CACNA2D3: variants seen among roughly 807,000 people sequenced by gnomAD.
CACNA2D3 encodes voltage-dependent calcium channel subunit alpha-2/delta-3.
CACNA2D3 carries 60 observed loss-of-function variants against 160.6 expected under a neutral mutation model. The observed-to-expected ratio is 0.37, with a 90% CI of 0.30 to 0.46. The LOEUF is 0.46. Among genes scored for constraint, CACNA2D3 ranks in the 20% least tolerant of loss-of-function variants. CACNA2D3 has a pLI of 1.00. For synonymous variants in CACNA2D3, 558 were observed against 492.9 expected (o/e 1.13, Z -1.75); for missense variants, 1,205 against 1,365.0 (o/e 0.88, Z 1.85).
At chr3:54,846,761 A>G (rs1013642345) in intron 17 of CACNA2D3, among the ~76,000 whole-genome samples, 1 of 152,236 alleles carries the variant, frequency 6.6e-6, no homozygotes, top group South Asian at 2.1e-4. Context: ...TTAACTCTAG[A>G]CAGCATGAAA....
chr3:54,239,837 T>C (rs114437942), intron 2 of CACNA2D3, among the ~76,000 whole-genome samples: 1 of 152,360 alleles, frequency 6.6e-6, no homozygotes, highest in African/African-American at 2.4e-5. Flanking sequence ...AAAATAGTTA[T>C]AGTTAAAATA....
Position 54,766,893 on chromosome 3 carries a change from A to G in CACNA2D3, c.1380+2542A>G, listed in dbSNP as rs550750422. ...TAGCATACTACCTTTTATATAGGAA[A>G]TGAGGAAAAAAGAAGATAGATATGT... On this transcript the variant is annotated intron_variant, in intron 13 of 37. Transcript: ENST00000474759. Among the ~76,000 whole-genome samples, 12 of 151,662 alleles carry G rather than the reference A, an allele frequency of 7.9e-5. 1 individual carries two copies. In the South Asian group the frequency reaches 2.5e-3, roughly 32 times the overall value.
chr3:54,656,724 C>T (rs1699880255), intron 11 of CACNA2D3, among the ~76,000 whole-genome samples: 1 of 152,224 alleles, frequency 6.6e-6, no homozygotes, highest in African/African-American at 2.4e-5. Flanking sequence ...CATGACTTCC[C>T]AATTCTCAGA....
At chr3:54,741,456 C>T (rs978602752) in intron 11 of CACNA2D3, among the ~76,000 whole-genome samples, 1 of 152,088 alleles carries the variant, frequency 6.6e-6, no homozygotes, top group Non-Finnish European at 1.5e-5. Flanking sequence ...GTGAGACTTA[C>T]AAAGATCAAG....
chr3:54,363,143 C>T (rs1018136457), intron 3 of CACNA2D3, among the ~76,000 whole-genome samples: 8 of 151,956 alleles, frequency 5.3e-5, no homozygotes, highest in Admixed American at 3.9e-4. Context: ...TGCAGTGAGC[C>T]GAGATTGCGC....
intron 26 of CACNA2D3, chr3:54,897,106 G>C: frequency 2.0e-6 from 1 of 498,884 alleles, no homozygotes. Flanking sequence ...AGGAAGCAGG[G>C]CTGATGTTTT....
At chr3:55,034,218 A>G (rs1282461895) in intron 35 of CACNA2D3, among the ~76,000 whole-genome samples, 1 of 151,972 alleles carries the variant, frequency 6.6e-6, no homozygotes, top group Non-Finnish European at 1.5e-5. Context: ...ACGGTGTGTT[A>G]TGAAATGTTC....
chr3:54,802,506 C>A (rs1703015059), intron 13 of CACNA2D3, among the ~76,000 whole-genome samples: 1 of 152,142 alleles, frequency 6.6e-6, no homozygotes, highest in Non-Finnish European at 1.5e-5. Flanking sequence ...CAAAGAGTTA[C>A]AGAAATATTT....
chr3:54,508,152 C>T (rs1431485032), intron 5 of CACNA2D3, among the ~76,000 whole-genome samples: 2 of 152,340 alleles, frequency 1.3e-5, no homozygotes, highest in Non-Finnish European at 1.5e-5. Context: ...GTGGGAACAA[C>T]TGCTCCTTTG....
At chr3:54,152,866 C>T (rs1700176867) in intron 2 of CACNA2D3, among the ~76,000 whole-genome samples, 1 of 152,138 alleles carries the variant, frequency 6.6e-6, no homozygotes, top group South Asian at 2.1e-4. Context: ...CAGGGGAGCC[C>T]CTCTTGCTTC....
chr3:54,888,139 T>C, intron 24 of CACNA2D3, 87 bp downstream of exon 24: 2 of 1,049,894 alleles, frequency 1.9e-6, no homozygotes, highest in South Asian at 1.3e-5. Context: ...CTAAACTGTT[T>C]TAGGAACCTG....
At chr3:54,639,289 C>T (rs1034613622) in intron 10 of CACNA2D3, 1 of 151,616 alleles carries the variant, frequency 6.6e-6, no homozygotes, top group Admixed American at 6.6e-5. Flanking sequence ...GGTACTTGCC[C>T]CTGCCCCAGG....
At chr3:54,773,562 T>A (rs1415765070) in intron 13 of CACNA2D3, among the ~76,000 whole-genome samples, 2 of 152,210 alleles carry the variant, frequency 1.3e-5, no homozygotes, top group East Asian at 3.8e-4. Context: ...GAAACCGTGT[T>A]AAAAACATGT....
At chr3:54,136,472 C>T (rs562569693) in intron 2 of CACNA2D3, among the ~76,000 whole-genome samples, 23 of 152,330 alleles carry the variant, frequency 1.5e-4, no homozygotes, top group African/African-American at 5.5e-4. Context: ...TTTCTTTCTT[C>T]CTTCTCTCAC....
At chr3:54,387,166 A>G (rs1166097750) in intron 4 of CACNA2D3, among the ~76,000 whole-genome samples, 4 of 152,214 alleles carry the variant, frequency 2.6e-5, no homozygotes, top group Non-Finnish European at 5.9e-5. Flanking sequence ...TGATGGATCT[A>G]TCCTTGAATT....
intron 5 of CACNA2D3, among the ~76,000 whole-genome samples, chr3:54,555,119 A>G (rs1042928039): frequency 6.6e-6 from 1 of 151,990 alleles, no homozygotes; most frequent in Non-Finnish European, 1.5e-5. Context: ...CAAGTAATCC[A>G]CCCACCTTGA....
intron 35 of CACNA2D3, among the ~76,000 whole-genome samples, chr3:55,023,723 G>A (rs1405691271): frequency 2.6e-5 from 4 of 151,908 alleles, no homozygotes; most frequent in Non-Finnish European, 5.9e-5. Context: ...TATTAGTAAC[G>A]ACTGCCTGGG....
At chr3:54,404,097 C>T (rs942058707) in intron 4 of CACNA2D3, among the ~76,000 whole-genome samples, 4 of 152,130 alleles carry the variant, frequency 2.6e-5, no homozygotes, top group African/African-American at 9.7e-5. Flanking sequence ...TAAACTCATC[C>T]AGAAAATAGA....
intron 5 of CACNA2D3, among the ~76,000 whole-genome samples, chr3:54,545,094 T>C (rs1702040839): frequency 6.6e-6 from 1 of 152,232 alleles, no homozygotes; most frequent in African/African-American, 2.4e-5. Flanking sequence ...ATTTAAAATA[T>C]GTTCCAAACT....
Sources: gnomAD v4.1 joint callset for allele counts (sites outside exome capture counted in the v4.1 genomes callset) on GRCh38, gnomAD v4.1.1 for gene constraint, MANE v1.5 for transcripts, NCBI Gene and HGNC (gene_info 2026-07-23, HGNC 2026-07-21) for gene names.